Variants in RGS12 observed in about 807,000 individuals in gnomAD.
RGS12 encodes the protein regulator of G-protein signaling 12.
RGS12 carries 66 observed loss-of-function variants against 120.1 expected under a neutral mutation model. The ratio of observed to expected loss-of-function variants is 0.55; its 90% CI spans 0.45 to 0.67. The LOEUF is 0.67. Ranked by LOEUF, RGS12 falls within the 30% of genes least tolerant of loss-of-function variation. RGS12 has a pLI of 0.00. For synonymous variants in RGS12, 827 were observed against 804.7 expected (o/e 1.03, Z -0.47); for missense variants, 1,859 against 1,957.7 (o/e 0.95, Z 0.95).
Position 3,319,277 on chromosome 4 carries a change from G to A in RGS12, c.1881+1226G>A, listed in dbSNP as rs562570384. ...TGCACTCTAGCCTGGGTGACAGAGC[G>A]AGACTCTGGCTCTAAAATAAAATAA... On this transcript the variant is annotated intron_variant, in intron 2 of 17. Coordinates refer to ENST00000336727, the MANE Select transcript of RGS12 (RefSeq NM_001394154.1). Among the ~76,000 whole-genome samples the A allele has an allele frequency of 4.6e-5, 7 of 152,292 alleles. No individual in the cohort carries two copies. In the East Asian group the frequency reaches 1.2e-3, roughly 25 times the overall value.
At chr4:3,306,648 G>A (rs1298581971) in intron 1 of RGS12, among the ~76,000 whole-genome samples, 1 of 152,180 alleles carries the variant, frequency 6.6e-6, no homozygotes, top group Non-Finnish European at 1.5e-5. Flanking sequence ...GAAGCCTCAG[G>A]ATCACTGCAC....
chr4:3,332,282 G>A (rs1158444104), intron 2 of RGS12, among the ~76,000 whole-genome samples: 1 of 152,120 alleles, frequency 6.6e-6, no homozygotes. Flanking sequence ...GTATTGATTC[G>A]TTTTGCTGCT....
At chr4:3,383,391 G>C (rs1459967079) in intron 3 of RGS12, among the ~76,000 whole-genome samples, 1 of 152,106 alleles carries the variant, frequency 6.6e-6, no homozygotes, top group African/African-American at 2.4e-5. Flanking sequence ...AGGATTGCTT[G>C]AGGCCAGGAA....
intron 17 of RGS12, among the ~76,000 whole-genome samples, chr4:3,439,011 G>C (rs1222456283): frequency 6.6e-6 from 1 of 152,068 alleles, no homozygotes; most frequent in Non-Finnish European, 1.5e-5. Flanking sequence ...ACCAGGCCAA[G>C]AGGGTCCAGC....
In RGS12 at chr4:3,414,823, T is replaced by A. The variant is rs1388726685; in HGVS notation, c.2262T>A (p.Val754=). The A allele has an allele frequency of 1.2e-6, 2 of 1,613,256 alleles. No homozygotes were observed. Among genetic ancestry groups the A allele is most frequent in the Non-Finnish European group, 8.5e-7 (1 of 1,179,200 alleles). ...AGGCCTGTGAATATTTTAATCATGT[T>A]CCTGCACATGACAAAAAGGAGGTAA... ...FWQACEYFNH[V]PAHDKKELSY... The change falls in exon 6 of 18, where the codon GTT becomes GTA. Residue 754 remains valine (V), a synonymous_variant. Coordinates refer to ENST00000336727, the MANE Select transcript of RGS12 (RefSeq NM_001394154.1).
intron 2 of RGS12, among the ~76,000 whole-genome samples, chr4:3,339,527 A>G (rs1712833904): frequency 6.6e-6 from 1 of 152,194 alleles, no homozygotes; most frequent in African/African-American, 2.4e-5. Flanking sequence ...CATCTAAATA[A>G]CAGAGAGAGG....
chr4:3,337,659 A>G (rs951591645), intron 2 of RGS12, among the ~76,000 whole-genome samples: 1 of 152,156 alleles, frequency 6.6e-6, no homozygotes, highest in Non-Finnish European at 1.5e-5. Context: ...AGTCAAATTC[A>G]TAAAGACAGA....
rs774560691 is a variant in RGS12 at position 3,316,246 on chromosome 4, G to C, written c.76G>C (p.Ala26Pro). The C allele has an allele frequency of 2.1e-5, 34 of 1,613,312 alleles. No individual in the cohort carries two copies. Among genetic ancestry groups the C allele is most frequent in the Non-Finnish European group, 2.3e-5 (27 of 1,179,578 alleles). ...SPPRVRSVEV[A>P]RGRAGYGFTL... is the part of the protein sequence containing the mutation. ...CCCAAGGGTGCGGAGTGTGGAGGTT[G>C]CCCGGGGGAGGGCCGGCTACGGATT... Residue 26 changes from alanine (A) to proline (P), a missense_variant, in exon 2 of 18, where the codon GCC (alanine) becomes CCC (proline). Physicochemically the swap from Ala to Pro is conservative, Grantham distance 27. Around this residue, in one of 3 missense-constraint regions of RGS12, gnomAD observed 967 missense variants for 994.2 expected, o/e 0.97. Coordinates refer to ENST00000336727, the MANE Select transcript of RGS12 (RefSeq NM_001394154.1).
At chr4:3,311,956 G>A (rs926957003) in intron 1 of RGS12, among the ~76,000 whole-genome samples, 9 of 152,166 alleles carry the variant, frequency 5.9e-5, no homozygotes, top group Admixed American at 1.3e-4. Context: ...ATTACTTCTG[G>A]CTGGACCTTG....
intron 2 of RGS12, among the ~76,000 whole-genome samples, chr4:3,339,230 C>G (rs1366027387): frequency 6.6e-6 from 1 of 152,168 alleles, no homozygotes; most frequent in Non-Finnish European, 1.5e-5. Context: ...CACCTGTAAT[C>G]TCAGCACTTT....
chr4:3,316,430 G>A lies in RGS12; in HGVS notation c.260G>A (p.Cys87Tyr). The A allele has an allele frequency of 6.2e-7, 1 of 1,614,164 alleles. No homozygotes were observed. The highest frequency in any genetic ancestry group is 1.3e-5 in the African/African-American group (1 of 75,060). The change falls in exon 2 of 18, where the codon TGC becomes TAC. Residue 87 changes from cysteine (C) to tyrosine (Y), a missense_variant. Transcript: ENST00000336727. ...HEDVVKLIGK[C>Y]SGVLHMVIAE... ...GATGTAGTGAAATTAATTGGGAAGT[G>A]CTCTGGTGTCCTTCACATGGTGATT...
intron 3 of RGS12, 106 bp downstream of exon 3, chr4:3,343,159 C>G (rs1713423332): frequency 1.3e-6 from 1 of 755,074 alleles, no homozygotes; most frequent in South Asian, 1.6e-5. Context: ...GGTCCCCTCC[C>G]CTCCTCCTCT....
At chr4:3,296,092 G>GC (rs995767950) in intron 1 of RGS12, among the ~76,000 whole-genome samples, 1 of 148,904 alleles carries the variant, frequency 6.7e-6, no homozygotes, top group Middle Eastern at 3.4e-3. Flanking sequence ...GAGGAAAACT[G>GC]CCCCCCTGGT....
At chr4:3,335,308 G>A (rs1240581469) in intron 2 of RGS12, among the ~76,000 whole-genome samples, 2 of 152,084 alleles carry the variant, frequency 1.3e-5, no homozygotes, top group East Asian at 3.9e-4. Context: ...AGTTTGTCTA[G>A]TTTTATGTTT....
Position 3,414,854 on chromosome 4 carries a change from C to G in RGS12, c.2283+10C>G, listed in dbSNP as rs146679263. On this transcript the variant is annotated intron_variant, in intron 6 of 17. Coordinates refer to ENST00000336727, the MANE Select transcript of RGS12 (RefSeq NM_001394154.1). Reference sequence around the variant, plus strand: ...ACATGACAAAAAGGAGGTAAGTCCACGCTTGGGAAGTGGGGGCTGTGTGAG... The same window carrying G: ...ACATGACAAAAAGGAGGTAAGTCCAGGCTTGGGAAGTGGGGGCTGTGTGAG... The G allele has an allele frequency of 6.2e-7, 1 of 1,600,070 alleles. No individual in the cohort carries two copies. Among genetic ancestry groups the G allele is most frequent in the East Asian group, 2.2e-5 (1 of 44,796 alleles).
At chr4:3,404,333 G>T (rs935638564) in intron 4 of RGS12, among the ~76,000 whole-genome samples, 1 of 152,180 alleles carries the variant, frequency 6.6e-6, no homozygotes, top group Non-Finnish European at 1.5e-5. Context: ...GAATTTTGCC[G>T]CTGTAGTGAC....
Position 3,319,389 on chromosome 4 carries a change from A to AT in RGS12, c.1881+1349dup, listed in dbSNP as rs879470136. Among the ~76,000 whole-genome samples, 305 of 150,310 alleles carry AT rather than the reference A, an allele frequency of 2.0e-3. 1 individual carries two copies. The highest frequency in any genetic ancestry group is 3.3e-3 in the Non-Finnish European group (224 of 67,418). On this transcript the variant is annotated intron_variant, in intron 2 of 17. Transcript: ENST00000336727. ...ACATTTTGATGTATGTAAGCATAGA[A>AT]TTTTTTTTTTTAAAACACTTGTAAT...
chr4:3,411,181 T>G (rs1208455710), intron 4 of RGS12, among the ~76,000 whole-genome samples: 1 of 152,228 alleles, frequency 6.6e-6, no homozygotes, highest in African/African-American at 2.4e-5. Context: ...GAGATCCGAC[T>G]AGATAGTTTT....
intron 3 of RGS12, among the ~76,000 whole-genome samples, chr4:3,371,548 C>T (rs1251307122): frequency 6.6e-6 from 1 of 152,174 alleles, no homozygotes; most frequent in Non-Finnish European, 1.5e-5. Context: ...CCTTTTGAAG[C>T]TCTTGCAAAT....
Sources: allele counts gnomAD v4.1 joint callset (sites outside exome capture counted in the v4.1 genomes callset), GRCh38; gene constraint gnomAD v4.1.1; regional missense constraint gnomAD v4.1.1; transcripts MANE v1.5; gene names NCBI Gene and HGNC (gene_info 2026-07-23, HGNC 2026-07-21).